POU2F3: variants seen among roughly 807,000 people sequenced by gnomAD.
POU2F3 encodes the protein POU class 2 homeobox 3, also known as POU domain, class 2, transcription factor 3.
Under a neutral mutation model 59.2 loss-of-function variants are expected in POU2F3, and 23 were observed. That is an observed-to-expected ratio of 0.39 (90% CI 0.28 to 0.55). The LOEUF is 0.55. POU2F3 is among the 20% of genes least tolerant of loss of function. The probability of loss-of-function intolerance (pLI) is 0.66; values close to 1 mark genes in which losing one functional copy is unlikely to be tolerated. For missense variants in POU2F3, 473 were observed against 544.5 expected (o/e 0.87, Z 1.31); for synonymous variants, 190 against 214.6 (o/e 0.89, Z 1.00).
At chr11:120,262,252 C>T (rs1430861788) in intron 2 of POU2F3, among the ~76,000 whole-genome samples, 1 of 152,244 alleles carries the variant, frequency 6.6e-6, no homozygotes, top group African/African-American at 2.4e-5. Context: ...ACATATCCAT[C>T]ATCTGGATTC....
intron 3 of POU2F3, among the ~76,000 whole-genome samples, chr11:120,283,234 G>T (rs1309870074): frequency 1.3e-5 from 2 of 152,224 alleles, no homozygotes; most frequent in East Asian, 1.9e-4. Context: ...CTTAAGGATG[G>T]CCTGTCAGCT....
intron 2 of POU2F3, among the ~76,000 whole-genome samples, chr11:120,251,941 T>C (rs1422946222): frequency 6.6e-6 from 1 of 151,396 alleles, no homozygotes; most frequent in Admixed American, 6.6e-5. Context: ...ATTATAGGTG[T>C]GTGCCACCAC....
chr11:120,273,460 G>A (rs1361508940), intron 3 of POU2F3, among the ~76,000 whole-genome samples: 2 of 152,194 alleles, frequency 1.3e-5, no homozygotes, highest in East Asian at 1.9e-4. Context: ...CCAGGCCTAG[G>A]GGATAGTGAG....
chr11:120,282,599 T>G (rs1444763090), intron 3 of POU2F3, among the ~76,000 whole-genome samples: 1 of 152,076 alleles, frequency 6.6e-6, no homozygotes, highest in Non-Finnish European at 1.5e-5. Flanking sequence ...GAGCTTGCAG[T>G]GAGTCAAGAT....
At chr11:120,253,837 C>G (rs1939221449) in intron 2 of POU2F3, among the ~76,000 whole-genome samples, 1 of 152,182 alleles carries the variant, frequency 6.6e-6, no homozygotes, top group Non-Finnish European at 1.5e-5. Context: ...TCCACCTGAC[C>G]CTGGGTACAT....
intron 10 of POU2F3, among the ~76,000 whole-genome samples, chr11:120,310,726 A>G (rs1941629829): frequency 6.6e-6 from 1 of 152,142 alleles, no homozygotes; most frequent in Non-Finnish European, 1.5e-5. Flanking sequence ...AGGGTGGGAC[A>G]CAGCTGTTTC....
intron 11 of POU2F3, among the ~76,000 whole-genome samples, chr11:120,316,248 G>A (rs904831879): frequency 1.3e-5 from 2 of 152,166 alleles, no homozygotes; most frequent in African/African-American, 4.8e-5. Flanking sequence ...ATAGAACACA[G>A]TTTGGGAAAC....
At chr11:120,236,790 T>C (rs1411054289), upstream of POU2F3, 2 of 1,311,628 alleles carry the variant, frequency 1.5e-6, no homozygotes, top group African/African-American at 2.9e-5. Context: ...GGAATAAAGA[T>C]TGCTCACCAT....
intron 1 of POU2F3, 118 bp downstream of exon 1, chr11:120,240,489 G>A: frequency 8.1e-7 from 1 of 1,236,272 alleles, no homozygotes; most frequent in Non-Finnish European, 1.0e-6. Context: ...AGGAGAGGGC[G>A]GTGTGGATAG....
upstream of POU2F3, chr11:120,236,730 C>A (rs750938975): frequency 1.4e-5 from 21 of 1,456,568 alleles, no homozygotes; most frequent in Non-Finnish European, 2.0e-5. Context: ...TCTACGTTCC[C>A]ATTCTAGCTC....
At chr11:120,304,828 G>C (rs973095663) in intron 6 of POU2F3, among the ~76,000 whole-genome samples, 2 of 149,462 alleles carry the variant, frequency 1.3e-5, no homozygotes, top group African/African-American at 2.5e-5. Flanking sequence ...CCAGTTATTT[G>C]CTATACATTT....
intron 10 of POU2F3, 78 bp downstream of exon 10, chr11:120,309,664 G>C (rs1941602365): frequency 6.7e-7 from 1 of 1,488,738 alleles, no homozygotes. Context: ...TGGCTGCAGG[G>C]AAGAGGGGAG....
chr11:120,306,994 A>G (rs1187134139), intron 8 of POU2F3, among the ~76,000 whole-genome samples: 1 of 152,236 alleles, frequency 6.6e-6, no homozygotes, highest in African/African-American at 2.4e-5. Flanking sequence ...CACTGGCAGG[A>G]AAATGACTCC....
intron 2 of POU2F3, among the ~76,000 whole-genome samples, chr11:120,263,407 T>C (rs887383977): frequency 2.6e-5 from 4 of 152,238 alleles, no homozygotes; most frequent in African/African-American, 9.6e-5. Context: ...TTTTATCTTG[T>C]TGGTTTGGGT....
intron 3 of POU2F3, among the ~76,000 whole-genome samples, chr11:120,275,523 C>T (rs905515589): frequency 3.9e-5 from 6 of 152,294 alleles, no homozygotes; most frequent in South Asian, 2.1e-4. Context: ...TGCTCTGTTC[C>T]GGTAACTTCT....
rs1201780315 is a variant in POU2F3, at chr11:120,274,967, A to C, written c.132+5723A>C. 2.6e-5 allele frequency among the ~76,000 whole-genome samples: 4 copies of C among 152,232 alleles called. No individual in the cohort carries two copies. The East Asian group carries it at 7.7e-4, about 29-fold the overall frequency. On this transcript the variant is annotated intron_variant, in intron 3 of 12. Coordinates refer to ENST00000543440, the MANE Select transcript of POU2F3 (RefSeq NM_014352.4). ...TACGGAGCAATACAGTAGAGTCTGAAGCCTAAAAGTTGGCTAGGAACTTGG... is the reference window on the plus strand; with the variant it reads ...TACGGAGCAATACAGTAGAGTCTGACGCCTAAAAGTTGGCTAGGAACTTGG...
At chr11:120,270,405 T>G (rs1222354635) in intron 3 of POU2F3, among the ~76,000 whole-genome samples, 1 of 152,076 alleles carries the variant, frequency 6.6e-6, no homozygotes, top group Admixed American at 6.5e-5. Flanking sequence ...TAAAATCAAA[T>G]AGAAATAGGA....
chr11:120,309,323 G>A, intron 9 of POU2F3, 102 bp from the exon 10 acceptor site: 3 of 1,253,392 alleles, frequency 2.4e-6, no homozygotes, highest in Non-Finnish European at 3.3e-6. Context: ...TGACTCTAAA[G>A]CTTTTGATCC....
intron 3 of POU2F3, among the ~76,000 whole-genome samples, chr11:120,294,326 G>A (rs1941123808): frequency 6.6e-6 from 1 of 152,224 alleles, no homozygotes; most frequent in African/African-American, 2.4e-5. Context: ...AGCACCCTGT[G>A]GTGACCCACG....
Sources: gnomAD v4.1 joint callset for allele counts (sites outside exome capture counted in the v4.1 genomes callset) on GRCh38, gnomAD v4.1.1 for gene constraint, MANE v1.5 for transcripts, NCBI Gene and HGNC (gene_info 2026-07-23, HGNC 2026-07-21) for gene names.